Variants in RNLS observed in about 807,000 individuals in gnomAD.
RNLS encodes the protein renalase, FAD dependent amine oxidase, also known as renalase.
A neutral mutation model predicts 39.8 loss-of-function variants in RNLS; 39 were observed. That is an observed-to-expected ratio of 0.98 (90% CI 0.76 to 1.28). The LOEUF (loss-of-function observed/expected upper bound fraction) is 1.28, where lower values mean the gene tolerates loss of function less well. Ranked by LOEUF, RNLS falls within the 50% of genes most tolerant of loss-of-function variation. The pLI is 0.00. For missense variants in RNLS, 410 were observed against 413.3 expected, an observed-to-expected ratio of 0.99 and a Z score of 0.07; for synonymous variants, 147 against 150.7, an observed-to-expected ratio of 0.98 and a Z score of 0.18.
intron 6 of RNLS, among the ~76,000 whole-genome samples, chr10:88,313,060 T>A (rs901535186): frequency 3.9e-5 from 6 of 152,188 alleles, no homozygotes; most frequent in African/African-American, 1.4e-4. Context: ...TGTAACAAAA[T>A]CATTGCTAGG....
At chr10:88,322,949 A>G (rs1291656404) in intron 5 of RNLS, among the ~76,000 whole-genome samples, 1 of 152,166 alleles carries the variant, frequency 6.6e-6, no homozygotes, top group Non-Finnish European at 1.5e-5. Flanking sequence ...AGGATACAAA[A>G]ATAATGCACA....
At chr10:88,570,722 C>T (rs1849770337) in intron 4 of RNLS, among the ~76,000 whole-genome samples, 1 of 152,152 alleles carries the variant, frequency 6.6e-6, no homozygotes, top group Non-Finnish European at 1.5e-5. Flanking sequence ...TGATGGGGCA[C>T]ATCTTTTCTA....
At chr10:88,172,366 A>C in the RNLS span, among the ~76,000 whole-genome samples, 9 of 152,162 alleles carry the variant, frequency 5.9e-5, no homozygotes, top group Non-Finnish European at 8.8e-5. Flanking sequence ...TGTAATAAGC[A>C]CTGTCACTGG....
At chr10:88,438,622 G>A (rs904988924) in intron 4 of RNLS, among the ~76,000 whole-genome samples, 4 of 152,106 alleles carry the variant, frequency 2.6e-5, no homozygotes, top group African/African-American at 4.8e-5. Flanking sequence ...CCTCTCTCTC[G>A]AGAACCACAG....
chr10:88,536,996 C>T (rs1039532712), intron 4 of RNLS, among the ~76,000 whole-genome samples: 13 of 152,046 alleles, frequency 8.6e-5, no homozygotes, highest in African/African-American at 2.4e-4. Context: ...AATGAATGAG[C>T]GAGTAGCATA....
intron 4 of RNLS, among the ~76,000 whole-genome samples, chr10:88,424,817 G>T (rs771531854): frequency 6.6e-6 from 1 of 152,106 alleles, no homozygotes; most frequent in Non-Finnish European, 1.5e-5. Context: ...CTGGGGCAGA[G>T]GAAGTGTTCA....
intron 4 of RNLS, among the ~76,000 whole-genome samples, chr10:88,461,107 A>C (rs147294727): frequency 4.8e-4 from 73 of 152,164 alleles, no homozygotes; most frequent in Middle Eastern, 3.4e-3. Context: ...GCTTCTGAAA[A>C]TGTTTCTCCA....
chr10:88,488,591 T>C (rs1244865734), intron 4 of RNLS, among the ~76,000 whole-genome samples: 1 of 147,260 alleles, frequency 6.8e-6, no homozygotes, highest in East Asian at 2.0e-4. Flanking sequence ...CTTAAAAACT[T>C]CAAAGAGGTA....
chr10:88,224,704 AT>A, the RNLS span, among the ~76,000 whole-genome samples: 1 of 152,210 alleles, frequency 6.6e-6, no homozygotes, highest in Non-Finnish European at 1.5e-5. Context: ...TCAGGCAAGC[AT>A]TCTTGATTGG....
At chr10:88,475,192 G>A (rs1251489574) in intron 4 of RNLS, among the ~76,000 whole-genome samples, 1 of 152,170 alleles carries the variant, frequency 6.6e-6, no homozygotes, top group Non-Finnish European at 1.5e-5. Flanking sequence ...TTACACATTT[G>A]TAGAGTTAGC....
Position 88,334,711 on chromosome 10 carries a change from T to G in RNLS, c.701-20070A>C, listed in dbSNP as rs1405230159. Among the ~76,000 whole-genome samples the G allele has an allele frequency of 2.0e-5, 3 of 152,304 alleles. No homozygotes were observed. The East Asian group carries it at 5.8e-4, about 29-fold the overall frequency. On this transcript the variant is annotated intron_variant, in intron 5 of 6. Transcript: ENST00000331772. ...TTTATGGATATTGTCTTATTTTACATTTCTTTTTTTTCCCTTGAAATCATG... is the reference window on the plus strand; with the variant it reads ...TTTATGGATATTGTCTTATTTTACAGTTCTTTTTTTTCCCTTGAAATCATG...
At chr10:88,267,035 G>T in the RNLS span, among the ~76,000 whole-genome samples, 1 of 152,118 alleles carries the variant, frequency 6.6e-6, no homozygotes, top group Non-Finnish European at 1.5e-5. Context: ...CCCAGTGCAG[G>T]TGTCAGACCT....
chr10:88,333,777 T>A (rs543272409), intron 5 of RNLS, among the ~76,000 whole-genome samples: 5 of 152,142 alleles, frequency 3.3e-5, no homozygotes, highest in Non-Finnish European at 7.4e-5. Flanking sequence ...TAGGAGGTGA[T>A]TTGGTCATGA....
At position 88,521,332 on chromosome 10, in the gene RNLS, G is replaced by T. The variant is rs116019073; in HGVS notation, c.526+51571C>A. On this transcript the variant is annotated intron_variant, in intron 4 of 6. Coordinates refer to ENST00000331772, the MANE Select transcript of RNLS (RefSeq NM_001031709.3). ...GAGCAATGGCAAAAGCAAGGCCCTA[G>T]AATAATTGTGTTTAATATCCTGACT... Among the ~76,000 whole-genome samples, 334 of 152,134 alleles carry T rather than the reference G, an allele frequency of 2.2e-3. 1 individual carries two copies. The highest frequency in any genetic ancestry group is 7.7e-3 in the African/African-American group (320 of 41,532).
rs143865280 is a variant in RNLS at position 88,568,070 on chromosome 10, C to T, written c.526+4833G>A. On this transcript the variant is annotated intron_variant, in intron 4 of 6. Transcript: ENST00000331772. ...TACCCTCTACAATTCAATGACTTGA[C>T]GGGCCAGGGTCAGTGAGCCATGATG... 1.1e-3 allele frequency among the ~76,000 whole-genome samples: 167 copies of T among 152,242 alleles called. 2 individuals are homozygous for T. The highest frequency in any genetic ancestry group is 3.9e-3 in the African/African-American group (163 of 41,542).
chr10:88,532,014 TA>T (rs1420255002), intron 4 of RNLS, among the ~76,000 whole-genome samples: 1 of 152,076 alleles, frequency 6.6e-6, no homozygotes, highest in East Asian at 1.9e-4. Flanking sequence ...TACTTAGCAG[TA>T]AAAGGGAGTA....
intron 6 of RNLS, among the ~76,000 whole-genome samples, chr10:88,306,495 A>C (rs1844928369): frequency 6.6e-6 from 1 of 152,226 alleles, no homozygotes; most frequent in Admixed American, 6.5e-5. Context: ...AACAAGCAGG[A>C]TATTACCACT....
At chr10:88,278,060 T>C (rs1048649303) in intron 6 of RNLS, among the ~76,000 whole-genome samples, 4 of 152,218 alleles carry the variant, frequency 2.6e-5, no homozygotes, top group Admixed American at 1.3e-4. Context: ...AAATGGTTTA[T>C]TTAGTGAGTG....
chr10:88,402,359 A>T (rs1376271952), intron 4 of RNLS, among the ~76,000 whole-genome samples: 2 of 152,016 alleles, frequency 1.3e-5, no homozygotes, highest in Admixed American at 6.6e-5. Context: ...ATGAAACAGA[A>T]CAAATACTAA....
Sources: gnomAD v4.1 joint callset for allele counts (sites outside exome capture counted in the v4.1 genomes callset) on GRCh38, gnomAD v4.1.1 for gene constraint, MANE v1.5 for transcripts, NCBI Gene and HGNC (gene_info 2026-07-23, HGNC 2026-07-21) for gene names.